The following LDLRAD3 variants were observed in gnomAD, a reference collection of about 807,000 sequenced individuals.
LDLRAD3 encodes the protein low density lipoprotein receptor class A domain containing 3, also known as low-density lipoprotein receptor class A domain-containing protein 3.
In LDLRAD3, 20 loss-of-function variants were observed where a neutral mutation model predicts 29.4. The ratio of observed to expected loss-of-function variants is 0.68; its 90% CI spans 0.48 to 0.99. The LOEUF (loss-of-function observed/expected upper bound fraction) is 0.99, where lower values mean the gene tolerates loss of function less well. LDLRAD3 is among the 50% of genes least tolerant of loss of function. The pLI, the probability that LDLRAD3 is intolerant of heterozygous loss-of-function variation, is 0.00. For missense variants in LDLRAD3, 420 were observed against 454.3 expected (o/e 0.92, Z 0.69); for synonymous variants, 157 against 192.7 (o/e 0.81, Z 1.53).
chr11:35,989,836 A>G (rs1394395471), intron 1 of LDLRAD3, among the ~76,000 whole-genome samples: 2 of 152,144 alleles, frequency 1.3e-5, no homozygotes, highest in Non-Finnish European at 2.9e-5. Flanking sequence ...GTATAGAATC[A>G]TATTGTCAGT....
At chr11:36,226,439 A>G (rs117782415) in intron 4 of LDLRAD3, among the ~76,000 whole-genome samples, 2,799 of 152,330 alleles carry the variant, frequency 0.018, 37 homozygotes, top group Non-Finnish European at 0.025. Context: ...GGTGTGTTAT[A>G]CATTTCTACT....
chr11:36,128,715 G>A (rs899600851), intron 4 of LDLRAD3, among the ~76,000 whole-genome samples: 2 of 152,082 alleles, frequency 1.3e-5, no homozygotes, highest in Non-Finnish European at 2.9e-5. Context: ...CTGGTGTGGT[G>A]ATAGGCACCT....
intron 3 of LDLRAD3, among the ~76,000 whole-genome samples, chr11:36,091,344 G>A (rs1264596180): frequency 3.3e-5 from 5 of 152,292 alleles, no homozygotes; most frequent in African/African-American, 7.2e-5. Context: ...TACTGTAGAC[G>A]GATTGCTTCA....
intron 4 of LDLRAD3, among the ~76,000 whole-genome samples, chr11:36,188,719 A>G (rs1854893137): frequency 6.6e-6 from 1 of 152,226 alleles, no homozygotes; most frequent in South Asian, 2.1e-4. Context: ...CTGGAATACC[A>G]GATATGAAGC....
At chr11:35,959,570 A>G (rs1238557784) in intron 1 of LDLRAD3, among the ~76,000 whole-genome samples, 1 of 152,190 alleles carries the variant, frequency 6.6e-6, no homozygotes, top group Non-Finnish European at 1.5e-5. Context: ...TAGTGTACCT[A>G]TCATATAGAT....
chr11:36,075,073 G>A (rs1852974426), intron 2 of LDLRAD3, among the ~76,000 whole-genome samples: 1 of 152,140 alleles, frequency 6.6e-6, no homozygotes, highest in Non-Finnish European at 1.5e-5. Context: ...TGTAGTTGAT[G>A]CTGTTTTTCT....
intron 1 of LDLRAD3, chr11:35,968,301 A>G: frequency 5.3e-6 from 2 of 376,504 alleles, no homozygotes; most frequent in East Asian, 6.8e-5. Context: ...TGTGAGCATC[A>G]AATGCTTAGA....
chr11:36,138,395 C>T (rs1253453420), intron 4 of LDLRAD3, among the ~76,000 whole-genome samples: 1 of 152,210 alleles, frequency 6.6e-6, no homozygotes, highest in African/African-American at 2.4e-5. Context: ...ATCTTTTGTG[C>T]AGTAAAGTAG....
intron 1 of LDLRAD3, among the ~76,000 whole-genome samples, chr11:35,955,565 A>G (rs150377826): frequency 2.0e-5 from 3 of 152,364 alleles, no homozygotes; most frequent in African/African-American, 7.2e-5. Flanking sequence ...TTATGTAAGG[A>G]CTACTTTTAT....
At chr11:36,126,096 C>A (rs979652952) in intron 4 of LDLRAD3, among the ~76,000 whole-genome samples, 1 of 152,156 alleles carries the variant, frequency 6.6e-6, no homozygotes, top group Admixed American at 6.5e-5. Flanking sequence ...AGGGCTCAGT[C>A]CTGCTTTCTG....
intron 4 of LDLRAD3, among the ~76,000 whole-genome samples, chr11:36,159,902 T>G (rs1489886955): frequency 1.3e-5 from 2 of 152,162 alleles, no homozygotes; most frequent in Non-Finnish European, 2.9e-5. Context: ...CTGAGTCTTA[T>G]GTTCCCTGCC....
intron 4 of LDLRAD3, among the ~76,000 whole-genome samples, chr11:36,173,502 C>T (rs1854628025): frequency 6.6e-6 from 1 of 152,072 alleles, no homozygotes; most frequent in Admixed American, 6.6e-5. Flanking sequence ...CATGTCCCTA[C>T]AAAGGACATG....
In LDLRAD3 at chr11:36,098,340, G is replaced by A; in HGVS notation, c.333G>A (p.Leu111=). The part of the protein sequence containing the change: ...SDEENCTANP[L]LCSTARYHCK... ...TTCCCTCTGCAGCAGCAAACCCTCT[G>A]CTTTGCTCCACCGCCCGCTACCACT... Residue 111 remains leucine (L), a synonymous_variant, in exon 4 of 6, where the codon CTG becomes CTA. Coordinates refer to ENST00000315571, the MANE Select transcript of LDLRAD3 (RefSeq NM_174902.4). 1.2e-6 allele frequency: 2 copies of A among 1,614,048 alleles called. No individual in the cohort carries two copies. Among genetic ancestry groups the A allele is most frequent in the Non-Finnish European group, 1.7e-6 (2 of 1,180,016 alleles).
At chr11:35,955,137 C>T (rs747630672) in intron 1 of LDLRAD3, among the ~76,000 whole-genome samples, 11 of 151,962 alleles carry the variant, frequency 7.2e-5, no homozygotes, top group Non-Finnish European at 1.3e-4. Flanking sequence ...CCCAGCTACT[C>T]GGGAGGCCGA....
chr11:36,114,521 G>A (rs564601888), intron 4 of LDLRAD3, among the ~76,000 whole-genome samples: 1 of 152,300 alleles, frequency 6.6e-6, no homozygotes, highest in East Asian at 1.9e-4. Flanking sequence ...TTGTTCTCTG[G>A]ATGACAGGAA....
intron 1 of LDLRAD3, among the ~76,000 whole-genome samples, chr11:36,032,602 G>A (rs905721584): frequency 6.6e-6 from 1 of 152,148 alleles, no homozygotes; most frequent in Non-Finnish European, 1.5e-5. Context: ...GTGTATTGCA[G>A]GAGGTATAGC....
chr11:36,071,403 A>G (rs1199506519), intron 2 of LDLRAD3, among the ~76,000 whole-genome samples: 1 of 143,750 alleles, frequency 7.0e-6, no homozygotes, highest in African/African-American at 2.6e-5. Flanking sequence ...TAGCAGTTAT[A>G]CTTTCACGAG....
chr11:36,025,701 T>A (rs1208183225), intron 1 of LDLRAD3, among the ~76,000 whole-genome samples: 2 of 151,266 alleles, frequency 1.3e-5, no homozygotes, highest in Non-Finnish European at 1.5e-5. Flanking sequence ...GATTTTTTTT[T>A]AAGACAAATC....
chr11:35,973,750 C>G (rs546910398), intron 1 of LDLRAD3, among the ~76,000 whole-genome samples: 9 of 152,210 alleles, frequency 5.9e-5, no homozygotes, highest in African/African-American at 2.2e-4. Context: ...GGATTACAGG[C>G]GTGAGTCACC....
Sources: gnomAD v4.1 joint callset for allele counts (sites outside exome capture counted in the v4.1 genomes callset) on GRCh38, gnomAD v4.1.1 for gene constraint, MANE v1.5 for transcripts, NCBI Gene and HGNC (gene_info 2026-07-23, HGNC 2026-07-21) for gene names.